SYNPR: variants seen among roughly 807,000 people sequenced by gnomAD.
The protein encoded by SYNPR is synaptoporin.
Under a neutral mutation model 32.9 loss-of-function variants are expected in SYNPR, and 23 were observed. The observed-to-expected ratio is 0.70, with a 90% CI of 0.50 to 0.99. The LOEUF (loss-of-function observed/expected upper bound fraction) is 0.99, where lower values mean the gene tolerates loss of function less well. Ranked by LOEUF, SYNPR falls within the 50% of genes least tolerant of loss-of-function variation. The pLI, the probability that SYNPR is intolerant of heterozygous loss-of-function variation, is 0.00. For synonymous variants in SYNPR, 146 were observed against 135.9 expected, an observed-to-expected ratio of 1.07 and a Z score of -0.52; for missense variants, 318 against 349.3, an observed-to-expected ratio of 0.91 and a Z score of 0.71.
intron 3 of SYNPR, among the ~76,000 whole-genome samples, chr3:63,503,323 G>C (rs189226291): frequency 4.3e-4 from 65 of 152,072 alleles, no homozygotes; most frequent in Non-Finnish European, 8.8e-5. Context: ...AGGTTTAGAA[G>C]TTTTTTGTGT....
At chr3:63,382,841 A>G (rs1179747411) in intron 2 of SYNPR, among the ~76,000 whole-genome samples, 1 of 151,926 alleles carries the variant, frequency 6.6e-6, no homozygotes, top group Non-Finnish European at 1.5e-5. Flanking sequence ...CCTTTTTCTC[A>G]TTTACTTATT....
rs2086623981 is a variant in SYNPR at position 63,280,783 on chromosome 3, T to C, written c.84+2041T>C. Among the ~76,000 whole-genome samples the C allele has an allele frequency of 1.3e-5, 2 of 151,324 alleles. 1 individual carries two copies. Among genetic ancestry groups the C allele is most frequent in the South Asian group, 4.2e-4 (2 of 4,780 alleles). Reference sequence around the variant, plus strand: ...TGTGTGTGTGAGAGAAAGAGTGAAATAGAATAAAGGTTACTAAGTTACTAC... The same window carrying C: ...TGTGTGTGTGAGAGAAAGAGTGAAACAGAATAAAGGTTACTAAGTTACTAC... On this transcript the variant is annotated intron_variant, in intron 2 of 5. Transcript: ENST00000478300.
At chr3:63,362,519 C>T (rs1406677746) in intron 2 of SYNPR, among the ~76,000 whole-genome samples, 1 of 152,082 alleles carries the variant, frequency 6.6e-6, no homozygotes, top group Non-Finnish European at 1.5e-5. Context: ...TACCATGTTG[C>T]CAAGCCCAAC....
At chr3:63,464,159 T>C (rs1365875240) in intron 2 of SYNPR, among the ~76,000 whole-genome samples, 1 of 152,204 alleles carries the variant, frequency 6.6e-6, no homozygotes, top group Non-Finnish European at 1.5e-5. Context: ...GCTAGTTCTG[T>C]CATGTTGATT....
intron 4 of SYNPR, among the ~76,000 whole-genome samples, chr3:63,573,579 G>A (rs1487187572): frequency 4.6e-5 from 7 of 152,188 alleles, no homozygotes; most frequent in South Asian, 2.1e-4. Flanking sequence ...CACTTTCTAC[G>A]TCCTCCCTCT....
chr3:63,494,418 CGT>C (rs373343348), intron 3 of SYNPR, among the ~76,000 whole-genome samples: 1,651 of 61,860 alleles, frequency 0.027, 15 homozygotes, highest in South Asian at 0.041. Flanking sequence ...TATATATATA[CGT>C]ATATATATAT....
the SYNPR span, among the ~76,000 whole-genome samples, chr3:63,209,535 G>A: frequency 6.6e-6 from 1 of 152,126 alleles, no homozygotes; most frequent in African/African-American, 2.4e-5. Flanking sequence ...CTATAGGTCT[G>A]TGCCATCCTT....
the SYNPR span, among the ~76,000 whole-genome samples, chr3:63,222,638 T>C: frequency 6.6e-6 from 1 of 152,136 alleles, no homozygotes; most frequent in East Asian, 1.9e-4. Context: ...TGCCTCAGCC[T>C]CCTGACTAGC....
chr3:63,561,863 G>A (rs1182645450), intron 4 of SYNPR, among the ~76,000 whole-genome samples: 2 of 152,112 alleles, frequency 1.3e-5, no homozygotes, highest in Non-Finnish European at 2.9e-5. Context: ...TTTATCAATG[G>A]CTACTGAAAA....
intron 4 of SYNPR, among the ~76,000 whole-genome samples, chr3:63,571,037 C>T (rs983285775): frequency 1.3e-5 from 2 of 152,182 alleles, no homozygotes; most frequent in African/African-American, 4.8e-5. Flanking sequence ...AGGTACCCAT[C>T]ATGACTGTTA....
chr3:63,465,084 A>C (rs997289473), intron 2 of SYNPR, among the ~76,000 whole-genome samples: 3 of 152,176 alleles, frequency 2.0e-5, no homozygotes, highest in Admixed American at 6.5e-5. Context: ...TGCCTCTTAG[A>C]TTTAATCAAT....
At chr3:63,364,341 C>A (rs190078462) in intron 2 of SYNPR, among the ~76,000 whole-genome samples, 122 of 152,254 alleles carry the variant, frequency 8.0e-4, no homozygotes, top group African/African-American at 2.9e-3. Context: ...GATACAACAA[C>A]ATATAGGTTC....
At chr3:63,289,764 A>T (rs1047000967) in intron 2 of SYNPR, among the ~76,000 whole-genome samples, 2 of 152,198 alleles carry the variant, frequency 1.3e-5, no homozygotes, top group Non-Finnish European at 2.9e-5. Flanking sequence ...TAGTATGTAG[A>T]GACAAGTGCT....
chr3:63,385,972 GA>G (rs2088038464), intron 2 of SYNPR, among the ~76,000 whole-genome samples: 2 of 152,234 alleles, frequency 1.3e-5, no homozygotes, highest in African/African-American at 4.8e-5. Context: ...GACCTTGCTA[GA>G]AAAGTGTTGA....
At position 63,313,685 on chromosome 3, in the gene SYNPR, A is replaced by ATATCTATATATATATATCCATATATATG. The variant is rs1560188580; in HGVS notation, c.84+34947_84+34948insTATATATATATATCCATATATATGTATC. On this transcript the variant is annotated intron_variant, in intron 2 of 5. Coordinates refer to ENST00000478300, the MANE Select transcript of SYNPR (RefSeq NM_001130003.2). ...AATTAACAGAAATTAATACACATAT[A>ATATCTATATATATATATCCATATATATG]TATCCATATATATATATCCATATAT... Among the ~76,000 whole-genome samples, 12 of 99,540 alleles carry ATATCTATATATATATATCCATATATATG rather than the reference A, an allele frequency of 1.2e-4. 4 individuals are homozygous for ATATCTATATATATATATCCATATATATG. Among genetic ancestry groups the ATATCTATATATATATATCCATATATATG allele is most frequent in the Middle Eastern group, 0.01 (2 of 198 alleles). 65.3% of individuals were successfully genotyped at this position (99,540 alleles called of 152,430 possible).
intron 2 of SYNPR, among the ~76,000 whole-genome samples, chr3:63,313,371 T>A (rs187183161): frequency 2.0e-5 from 3 of 151,734 alleles, no homozygotes; most frequent in Non-Finnish European, 2.9e-5. Flanking sequence ...CCGCTCCCAC[T>A]CTTTCCTCCA....
At chr3:63,592,662 A>C (rs755257446) in intron 4 of SYNPR, among the ~76,000 whole-genome samples, 11 of 152,094 alleles carry the variant, frequency 7.2e-5, no homozygotes, top group African/African-American at 9.7e-5. Context: ...ATGCTACTTT[A>C]TGTTCTACTG....
chr3:63,511,110 T>TA (rs1224054065), intron 3 of SYNPR, among the ~76,000 whole-genome samples: 4 of 152,058 alleles, frequency 2.6e-5, no homozygotes, highest in Admixed American at 6.6e-5. Flanking sequence ...TATTGAGTGA[T>TA]ACTTATGCTT....
chr3:63,448,907 T>C (rs1700328877), intron 2 of SYNPR, among the ~76,000 whole-genome samples: 1 of 152,222 alleles, frequency 6.6e-6, no homozygotes, highest in Non-Finnish European at 1.5e-5. Flanking sequence ...CTTTTGGTCC[T>C]ATATGTTCAC....
Sources: allele counts gnomAD v4.1 joint callset (sites outside exome capture counted in the v4.1 genomes callset), GRCh38; gene constraint gnomAD v4.1.1; transcripts MANE v1.5; gene names NCBI Gene and HGNC (gene_info 2026-07-23, HGNC 2026-07-21).